Variants in FBXO10 observed in about 807,000 individuals in gnomAD.
FBXO10 encodes F-box protein 10.
FBXO10 carries 39 observed loss-of-function variants against 80.7 expected under a neutral mutation model. The ratio of observed to expected loss-of-function variants is 0.48; its 90% CI spans 0.37 to 0.63. The LOEUF is 0.63. FBXO10 is among the 30% of genes least tolerant of loss of function. The pLI is 0.00. For synonymous variants in FBXO10, 449 were observed against 489.6 expected (o/e 0.92, Z 1.09); for missense variants, 1,025 against 1,269.0 (o/e 0.81, Z 2.92).
At chr9:37,543,930 G>A (rs1444642615) in intron 1 of FBXO10, among the ~76,000 whole-genome samples, 1 of 152,174 alleles carries the variant, frequency 6.6e-6, no homozygotes, top group Non-Finnish European at 1.5e-5. Context: ...AGGAGTTCCA[G>A]ACCAGCCTGG....
intron 1 of FBXO10, among the ~76,000 whole-genome samples, chr9:37,568,739 T>C (rs980833208): frequency 1.3e-5 from 2 of 151,928 alleles, no homozygotes; most frequent in African/African-American, 2.4e-5. Flanking sequence ...AGAGTTCATG[T>C]GGTCTAAGGT....
chr9:37,552,716 C>T (rs1255430410), intron 1 of FBXO10, among the ~76,000 whole-genome samples: 3 of 142,596 alleles, frequency 2.1e-5, no homozygotes, highest in African/African-American at 7.8e-5. Context: ...AAAAAAAGAA[C>T]AGACATTTAT....
At chr9:37,547,139 T>C (rs1822077248) in intron 1 of FBXO10, among the ~76,000 whole-genome samples, 1 of 152,226 alleles carries the variant, frequency 6.6e-6, no homozygotes, top group Non-Finnish European at 1.5e-5. Flanking sequence ...GCTGTATTCA[T>C]AATAGTAAAA....
intron 1 of FBXO10, among the ~76,000 whole-genome samples, chr9:37,548,200 C>T (rs772619358): frequency 3.0e-4 from 45 of 152,016 alleles, no homozygotes; most frequent in African/African-American, 9.9e-4. Flanking sequence ...GCCTGGCCAA[C>T]GTGGTGAAAC....
At chr9:37,557,266 G>A (rs1237676319) in intron 1 of FBXO10, among the ~76,000 whole-genome samples, 8 of 151,598 alleles carry the variant, frequency 5.3e-5, no homozygotes, top group Non-Finnish European at 1.2e-4. Flanking sequence ...CTTTTATATT[G>A]AACTCTCACG....
intron 1 of FBXO10, among the ~76,000 whole-genome samples, chr9:37,554,570 C>T (rs1822290066): frequency 6.6e-6 from 1 of 152,162 alleles, no homozygotes; most frequent in South Asian, 2.1e-4. Flanking sequence ...GTTCCACCCC[C>T]GACCCCAAGA....
At chr9:37,541,897 T>C (rs1821929732) in intron 1 of FBXO10, 123 bp from the exon 2 acceptor site, 3 of 786,378 alleles carry the variant, frequency 3.8e-6, no homozygotes, top group Non-Finnish European at 5.9e-6. Context: ...GGTGCGATCT[T>C]GGCCTCACCA....
At position 37,515,982 on chromosome 9, in the gene FBXO10, C is replaced by G. The variant is rs753264893; in HGVS notation, c.2618G>C (p.Ser873Thr). 1.9e-6 allele frequency: 3 copies of G among 1,613,948 alleles called. No individual in the cohort carries two copies. The highest frequency in any genetic ancestry group is 2.2e-5 in the East Asian group (1 of 44,906). The part of the protein sequence containing the change: ...QENIIFQGKT[S>T]KTIFQQISNN... ...TGAGATCTGCTGAAAGATGGTCTTA[C>G]TGGTTTTGCCCTGGAAGATGATGTT... is the stretch of plus-strand genomic sequence containing the variant. Residue 873 changes from serine (S) to threonine (T), a missense_variant, in exon 10 of 11, where the codon AGT becomes ACT. This residue lies in a region of FBXO10 where 478 missense variants were observed against 667.8 expected (regional missense o/e 0.72). Transcript: ENST00000432825.
chr9:37,562,023 G>T (rs531369561), intron 1 of FBXO10, among the ~76,000 whole-genome samples: 21 of 152,302 alleles, frequency 1.4e-4, no homozygotes, highest in African/African-American at 5.1e-4. Flanking sequence ...TCTGTAAAGG[G>T]GAAAGTGGGA....
chr9:37,544,165 AGGCTGAGACAGGAG>A (rs1246382352), intron 1 of FBXO10, among the ~76,000 whole-genome samples: 7 of 152,218 alleles, frequency 4.6e-5, no homozygotes, highest in African/African-American at 1.4e-4. Flanking sequence ...GCAACTCAGG[AGGCTGAGACAGGAG>A]AATTGCTTGA....
rs1212265418 is a variant in FBXO10, at chr9:37,541,400, A to G, written c.369T>C (p.Ser123=). 1 of 1,614,042 alleles carries G rather than the reference A, an allele frequency of 6.2e-7. No homozygotes were observed. The change falls in exon 2 of 11, where the codon AGT becomes AGC. Residue 123 remains serine (S), a synonymous_variant. Transcript: ENST00000432825. ...GPGREFDSLG[S]ALAMASLYDR... is the part of the protein sequence containing the mutation. ...CATACAGGCTGGCCATGGCCAAGGC[A>G]CTGCCCAGGCTGTCAAACTCACGGC...
At chr9:37,569,493 A>AAC (rs1554649703) in intron 1 of FBXO10, among the ~76,000 whole-genome samples, 122 of 149,668 alleles carry the variant, frequency 8.2e-4, no homozygotes, top group Admixed American at 2.3e-3. Context: ...AAAAAAAAAA[A>AAC]CACCCAGTAA....
At chr9:37,564,047 A>T in intron 1 of FBXO10, among the ~76,000 whole-genome samples, 1 of 152,146 alleles carries the variant, frequency 6.6e-6, no homozygotes, top group East Asian at 1.9e-4. Context: ...AGGCACAGGG[A>T]CCCTCTGCTC....
intron 4 of FBXO10, 21 bp from the exon 5 acceptor site, chr9:37,529,281 C>T: frequency 1.3e-6 from 2 of 1,590,996 alleles, no homozygotes; most frequent in East Asian, 2.3e-5. Context: ...AAATGAGACA[C>T]CACAGAAGCC....
chr9:37,529,470 C>T (rs1821561960), intron 4 of FBXO10, among the ~76,000 whole-genome samples: 1 of 152,238 alleles, frequency 6.6e-6, no homozygotes, highest in Non-Finnish European at 1.5e-5. Context: ...GTAAGGGAGA[C>T]TATGAAGACT....
rs903788290 is a variant in FBXO10, at chr9:37,537,092, C to A, written c.1419+18G>T. ...TAGCCACAGGAGCCCCCTGACCAAT[C>A]TAAAGTCATGACAGCACCTTGCTAT... is the stretch of plus-strand genomic sequence containing the variant. On this transcript the variant is annotated intron_variant, in intron 3 of 10. Transcript: ENST00000432825. 6.3e-7 allele frequency: 1 copy of A among 1,576,866 alleles called. No homozygotes were observed. The highest frequency in any genetic ancestry group is 1.7e-4 in the Middle Eastern group (1 of 5,900).
At chr9:37,513,879 C>T (rs1821121281) in intron 10 of FBXO10, among the ~76,000 whole-genome samples, 1 of 152,188 alleles carries the variant, frequency 6.6e-6, no homozygotes, top group South Asian at 2.1e-4. Flanking sequence ...CGTGAGCCAC[C>T]GCACCCGGCC....
At chr9:37,521,438 C>A in intron 8 of FBXO10, 131 bp downstream of exon 8, 2 of 1,172,624 alleles carry the variant, frequency 1.7e-6, no homozygotes, top group Non-Finnish European at 2.3e-6. Flanking sequence ...CTGCCCTACC[C>A]AGGTTTGCAT....
At chr9:37,536,701 C>T (rs911434443) in intron 3 of FBXO10, among the ~76,000 whole-genome samples, 4 of 152,094 alleles carry the variant, frequency 2.6e-5, no homozygotes, top group Non-Finnish European at 5.9e-5. Context: ...CTCATTGTAC[C>T]CAGCACAGAC....
Sources: allele counts gnomAD v4.1 joint callset (sites outside exome capture counted in the v4.1 genomes callset), GRCh38; gene constraint gnomAD v4.1.1; regional missense constraint gnomAD v4.1.1; transcripts MANE v1.5; gene names NCBI Gene and HGNC (gene_info 2026-07-23, HGNC 2026-07-21).